MAP3K19: variants seen among roughly 807,000 people sequenced by gnomAD.
The protein encoded by MAP3K19 is mitogen-activated protein kinase kinase kinase 19.
In MAP3K19, 91 loss-of-function variants were observed where a neutral mutation model predicts 114.4. That is an observed-to-expected ratio of 0.80 (90% CI 0.67 to 0.95). The LOEUF is 0.95. Ranked by LOEUF, MAP3K19 falls within the 40% of genes least tolerant of loss-of-function variation. MAP3K19 has a pLI of 0.00. For missense variants in MAP3K19, 1,471 were observed against 1,573.2 expected (o/e 0.94, Z 1.10); for synonymous variants, 518 against 530.5 (o/e 0.98, Z 0.32).
chr2:134,983,448 G>A (rs1684852121), intron 11 of MAP3K19: 1 of 594,696 alleles, frequency 1.7e-6, no homozygotes, highest in Admixed American at 2.6e-5. Flanking sequence ...GATCCCTGAA[G>A]CCTCCTGGAC....
chr2:134,964,704 C>T lies in MAP3K19; in HGVS notation c.*146G>A, dbSNP rs981603789. ...TGAGGAGGCTAATATGTAACTGCAACTTTCAGTTAATGACTCCATAGGATC... is the reference window on the plus strand; with the variant it reads ...TGAGGAGGCTAATATGTAACTGCAATTTTCAGTTAATGACTCCATAGGATC... On this transcript the variant is annotated 3_prime_UTR_variant, in exon 13 of 13. Transcript: ENST00000392915. The T allele has an allele frequency of 2.8e-5, 15 of 535,906 alleles. No individual in the cohort carries two copies. The highest frequency in any genetic ancestry group is 4.7e-5 in the Non-Finnish European group (14 of 296,474). The allele number at this position is 535,906 out of a possible 1,614,324, so 33.2% of individuals were successfully genotyped here.
intron 2 of MAP3K19, among the ~76,000 whole-genome samples, chr2:135,031,300 T>A (rs898488308): frequency 6.6e-6 from 1 of 152,144 alleles, no homozygotes; most frequent in Non-Finnish European, 1.5e-5. Flanking sequence ...GAAAGTGATG[T>A]CTAAGCTGAG....
At chr2:135,035,754 G>A (rs1366135446) in intron 2 of MAP3K19, among the ~76,000 whole-genome samples, 1 of 152,178 alleles carries the variant, frequency 6.6e-6, no homozygotes, top group African/African-American at 2.4e-5. Context: ...GCCCCTGCCT[G>A]CATTTCCAGC....
At chr2:135,010,952 G>T (rs1366321171) in intron 5 of MAP3K19, among the ~76,000 whole-genome samples, 1 of 152,076 alleles carries the variant, frequency 6.6e-6, no homozygotes, top group African/African-American at 2.4e-5. Context: ...TTTGAAAGAA[G>T]ATTCTCCTCA....
rs1408094437 is a variant in MAP3K19, at chr2:134,986,077, A to C, written c.2795T>G (p.Leu932Ter). The change falls in exon 10 of 13, where the codon TTA becomes TGA. Residue 932 changes from leucine (L) to a stop codon, truncating the protein, a stop_gained. Coordinates refer to ENST00000392915, the MANE Select transcript of MAP3K19 (RefSeq NM_025052.5). LOFTEE classifies it high-confidence loss of function. ...YWVHYLDHDS[L>*]ANKSITYQMF... ...TTGATATGTGATTGACTTATTTGCTAAACTATCATGATCCAAATAATGTAC... is the reference window on the plus strand; with the variant it reads ...TTGATATGTGATTGACTTATTTGCTCAACTATCATGATCCAAATAATGTAC... The C allele has an allele frequency of 6.2e-7, 1 of 1,614,090 alleles. No individual in the cohort carries two copies. The highest frequency in any genetic ancestry group is 1.3e-5 in the African/African-American group (1 of 75,070).
In MAP3K19 at chr2:134,991,588, A is replaced by G; in HGVS notation, c.575-8T>C. ...TATGAGAGGTCGAAAACTCTACAAC[A>G]AGAAAAACAATAACTGGATATTCTT... is the stretch of plus-strand genomic sequence containing the variant. On this transcript the variant is annotated splice_polypyrimidine_tract_variant and splice_region_variant and intron_variant, in intron 8 of 12. Transcript: ENST00000392915. The G allele has an allele frequency of 6.2e-7, 1 of 1,610,824 alleles. No individual in the cohort carries two copies. The highest frequency in any genetic ancestry group is 1.1e-5 in the South Asian group (1 of 91,006).
chr2:134,987,989 T>C lies in MAP3K19; in HGVS notation c.883A>G (p.Thr295Ala), dbSNP rs754647617. 9.3e-6 allele frequency: 15 copies of C among 1,614,130 alleles called. No individual in the cohort carries two copies. Among genetic ancestry groups the C allele is most frequent in the African/African-American group, 4.0e-5 (3 of 74,934 alleles). The change falls in exon 10 of 13, where the codon ACT becomes GCT. Residue 295 changes from threonine (T) to alanine (A), a missense_variant. Physicochemically the swap from Thr to Ala is moderately conservative, Grantham distance 58. Transcript: ENST00000392915. Reference sequence around the variant, plus strand: ...TCCAGGCATTGCCTGTGATGGTTAGTCTTAGGAAAAGAGCACATGTTTCTT... The same window carrying C: ...TCCAGGCATTGCCTGTGATGGTTAGCCTTAGGAAAAGAGCACATGTTTCTT... The part of the protein sequence containing the change: ...WSRNMCSFPK[T>A]NHHRQCLEKE...
At chr2:135,008,983 G>A (rs1482665818) in intron 5 of MAP3K19, among the ~76,000 whole-genome samples, 3 of 151,990 alleles carry the variant, frequency 2.0e-5, no homozygotes, top group Non-Finnish European at 4.4e-5. Flanking sequence ...ACAGAGTCTT[G>A]CTCTGTTGCC....
intron 12 of MAP3K19, among the ~76,000 whole-genome samples, chr2:134,976,134 A>T (rs181194556): frequency 6.6e-6 from 1 of 152,274 alleles, no homozygotes; most frequent in Admixed American, 6.5e-5. Flanking sequence ...AAGAAGATGT[A>T]AGTAGGGTTC....
At chr2:134,981,884 T>C (rs1684686484) in intron 11 of MAP3K19, among the ~76,000 whole-genome samples, 2 of 133,050 alleles carry the variant, frequency 1.5e-5, no homozygotes, top group Non-Finnish European at 3.0e-5. Flanking sequence ...TCTTTTCTTT[T>C]TTTTTTTTTT....
At chr2:135,032,987 G>C in intron 2 of MAP3K19, among the ~76,000 whole-genome samples, 1 of 128,668 alleles carries the variant, frequency 7.8e-6, no homozygotes, top group Non-Finnish European at 1.6e-5. Flanking sequence ...GTACAGAACA[G>C]AATGAAAAGT....
At chr2:134,967,853 C>A (rs1308518353) in intron 12 of MAP3K19, among the ~76,000 whole-genome samples, 6 of 150,714 alleles carry the variant, frequency 4.0e-5, no homozygotes, top group African/African-American at 1.2e-4. Flanking sequence ...TGTCTTCTTT[C>A]TTTCTTTTTT....
rs539379351 is a variant in MAP3K19, at chr2:135,036,739, G to A, written c.-284+3624C>T. ...ATGATTGAAGGACACCAACATTTAA[G>A]GGATGAGAAGAAACAACCCATAAAG... On this transcript the variant is annotated intron_variant, in intron 2 of 12. Coordinates refer to ENST00000392915, the MANE Select transcript of MAP3K19 (RefSeq NM_025052.5). 2.0e-5 allele frequency among the ~76,000 whole-genome samples: 3 copies of A among 151,868 alleles called. No homozygotes were observed. In the East Asian group the frequency reaches 5.8e-4, roughly 29 times the overall value.
At chr2:134,990,058 G>A (rs1162928100) in intron 9 of MAP3K19, among the ~76,000 whole-genome samples, 1 of 151,770 alleles carries the variant, frequency 6.6e-6, no homozygotes, top group Non-Finnish European at 1.5e-5. Context: ...ACTCCAGCCT[G>A]GGCAACAGAG....
chr2:134,967,773 T>C (rs1280748538), intron 12 of MAP3K19, among the ~76,000 whole-genome samples: 1 of 147,516 alleles, frequency 6.8e-6, no homozygotes, highest in Non-Finnish European at 1.5e-5. Context: ...GGCCTGTGCC[T>C]GTTCAGATCC....
In MAP3K19 at chr2:134,988,149, G is replaced by C. The variant is rs775711097; in HGVS notation, c.723C>G (p.Leu241=). The stretch of plus-strand genomic sequence containing the variant: ...CTGAGAGCTTAGGCACAAAAGATGT[G>C]AGACTTGGAATGTTTCTTTCTTTTT... ...PKEKERNIPS[L]TSFVPKLSVS... The change falls in exon 10 of 13, where the codon CTC becomes CTG. Residue 241 remains leucine (L), a synonymous_variant. Transcript: ENST00000392915. The C allele has an allele frequency of 1.2e-6, 2 of 1,614,026 alleles. No individual in the cohort carries two copies. Among genetic ancestry groups the C allele is most frequent in the South Asian group, 2.2e-5 (2 of 91,058 alleles).
At chr2:135,027,858 A>G (rs1247824299) in intron 3 of MAP3K19, among the ~76,000 whole-genome samples, 1 of 152,198 alleles carries the variant, frequency 6.6e-6, no homozygotes, top group Non-Finnish European at 1.5e-5. Flanking sequence ...CAAGCCAGAA[A>G]GACAGATCTG....
intron 8 of MAP3K19, among the ~76,000 whole-genome samples, chr2:134,992,924 C>T (rs530516499): frequency 8.5e-5 from 13 of 152,168 alleles, no homozygotes; most frequent in South Asian, 2.1e-4. Context: ...CGTGATCCAC[C>T]GGCCTCGGCC....
rs1051777813 is a variant in MAP3K19 at position 134,999,197 on chromosome 2, T to C, written c.315-200A>G. On this transcript the variant is annotated intron_variant, in intron 7 of 12. Transcript: ENST00000392915. The surrounding 1 kb of genome is among the most constrained non-coding windows in gnomAD (Gnocchi z 4.1). ...CTGGCCTCCTTAGCCCTCTGTACCATCGCTTGGATGGATTAGGTTTCAGCT... is the reference window on the plus strand; with the variant it reads ...CTGGCCTCCTTAGCCCTCTGTACCACCGCTTGGATGGATTAGGTTTCAGCT... Among the ~76,000 whole-genome samples the C allele has an allele frequency of 6.6e-6, 1 of 152,170 alleles. No individual in the cohort carries two copies. The highest frequency in any genetic ancestry group is 2.4e-5 in the African/African-American group (1 of 41,442).
Sources: gnomAD v4.1 joint callset for allele counts (sites outside exome capture counted in the v4.1 genomes callset) on GRCh38, gnomAD v4.1.1 for gene constraint, Gnocchi (gnomAD v3.1) non-coding constraint, MANE v1.5 for transcripts, NCBI Gene and HGNC (gene_info 2026-07-23, HGNC 2026-07-21) for gene names.